Variants in OTOGL observed in about 807,000 individuals in gnomAD.
OTOGL encodes the protein otogelin-like protein.
A neutral mutation model predicts 318.5 loss-of-function variants in OTOGL; 285 were observed. The observed-to-expected ratio is 0.89, with a 90% CI of 0.81 to 0.99. The LOEUF is 0.99. Among genes scored for constraint, OTOGL ranks in the 50% least tolerant of loss-of-function variants. OTOGL has a pLI of 0.00. For synonymous variants in OTOGL, 987 were observed against 936.5 expected, an observed-to-expected ratio of 1.05 and a Z score of -0.99; for missense variants, 2,899 against 2,845.6, an observed-to-expected ratio of 1.02 and a Z score of -0.43.
intron 4 of OTOGL, among the ~76,000 whole-genome samples, chr12:80,217,049 G>A (rs1165380431): frequency 6.6e-6 from 1 of 152,284 alleles, no homozygotes; most frequent in South Asian, 2.1e-4. Context: ...CACTGGCACC[G>A]AAACAGCAGA....
intron 43 of OTOGL, 40 bp downstream of exon 43, chr12:80,339,304 T>G (rs932912955): frequency 1.3e-5 from 15 of 1,143,832 alleles, no homozygotes; most frequent in African/African-American, 6.1e-5. Context: ...GTCTGTTTTT[T>G]TTTTTTTTTT....
At chr12:80,254,248 TAGTC>T (rs1173718816) in intron 14 of OTOGL, among the ~76,000 whole-genome samples, 1 of 152,062 alleles carries the variant, frequency 6.6e-6, no homozygotes, top group African/African-American at 2.4e-5. Flanking sequence ...ATCTTCATCA[TAGTC>T]AGTGATTTTT....
At chr12:80,229,137 T>C in intron 7 of OTOGL, 120 bp from the exon 8 acceptor site, 1 of 1,164,096 alleles carries the variant, frequency 8.6e-7, no homozygotes, top group Non-Finnish European at 1.2e-6. Flanking sequence ...AATGTAGTTA[T>C]AACGTTGTAA....
At chr12:80,349,569 G>A (rs1268250316) in intron 44 of OTOGL, among the ~76,000 whole-genome samples, 5 of 152,114 alleles carry the variant, frequency 3.3e-5, no homozygotes, top group Admixed American at 3.3e-4. Context: ...GAAGTTCAAG[G>A]AGAGAACATT....
intron 34 of OTOGL, among the ~76,000 whole-genome samples, chr12:80,322,478 G>A (rs893923092): frequency 1.5e-4 from 23 of 152,272 alleles, no homozygotes; most frequent in Admixed American, 6.5e-4. Context: ...TTCAGGATGC[G>A]TGAGACGAGT....
At chr12:80,331,567 G>A (rs1204226841) in intron 37 of OTOGL, among the ~76,000 whole-genome samples, 4 of 151,612 alleles carry the variant, frequency 2.6e-5, no homozygotes, top group African/African-American at 7.3e-5. Flanking sequence ...CTTGAACTCC[G>A]GGCCTCAAAT....
intron 1 of OTOGL, among the ~76,000 whole-genome samples, chr12:80,148,842 G>A (rs751314654): frequency 2.6e-5 from 4 of 151,942 alleles, no homozygotes; most frequent in East Asian, 1.9e-4. Context: ...CCAGTTGATC[G>A]CATCAGCTCC....
At chr12:80,128,731 T>C (rs10862062) in intron 1 of OTOGL, among the ~76,000 whole-genome samples, 82,358 of 152,044 alleles carry the variant, frequency 0.54, 22,464 homozygotes, top group Middle Eastern at 0.58. Flanking sequence ...AGTCAAGCTT[T>C]GGCAATGTCG....
intron 26 of OTOGL, among the ~76,000 whole-genome samples, chr12:80,287,249 GT>G (rs1884702251): frequency 6.6e-6 from 1 of 151,708 alleles, no homozygotes; most frequent in Non-Finnish European, 1.5e-5. Context: ...TGATTGCAGT[GT>G]GGTCTGAGAG....
At position 80,194,367 on chromosome 12, in the gene OTOGL, T is replaced by C. The variant is rs546744625; in HGVS notation, c.-19-15046T>C. 3.3e-5 allele frequency among the ~76,000 whole-genome samples: 5 copies of C among 152,182 alleles called. No individual in the cohort carries two copies. In the South Asian group the frequency reaches 1.0e-3, roughly 31 times the overall value. On this transcript the variant is annotated intron_variant, in intron 1 of 58. Coordinates refer to ENST00000547103, the MANE Select transcript of OTOGL (RefSeq NM_001378609.3). ...CTTGGGCAGAGTTAGTTTCTTCCGA[T>C]ACTTGCAACCAAAGAACCTTGAGAA...
chr12:80,117,172 C>G (rs1454521679), intron 1 of OTOGL, among the ~76,000 whole-genome samples: 1 of 152,042 alleles, frequency 6.6e-6, no homozygotes, highest in African/African-American at 2.4e-5. Flanking sequence ...TAAGTTATAT[C>G]TGACATAATC....
intron 33 of OTOGL, among the ~76,000 whole-genome samples, chr12:80,318,980 T>C (rs950426171): frequency 3.0e-5 from 4 of 134,576 alleles, no homozygotes; most frequent in Non-Finnish European, 5.9e-5. Context: ...AAAATTTTCA[T>C]AGTATTAATC....
At chr12:80,312,823 T>C (rs891598418) in intron 30 of OTOGL, among the ~76,000 whole-genome samples, 8 of 152,156 alleles carry the variant, frequency 5.3e-5, no homozygotes, top group South Asian at 2.1e-4. Context: ...TCTTCTTCTT[T>C]TTTTTTATTT....
At chr12:80,258,224 A>G (rs1882233319) in intron 18 of OTOGL, among the ~76,000 whole-genome samples, 1 of 152,144 alleles carries the variant, frequency 6.6e-6, no homozygotes, top group Non-Finnish European at 1.5e-5. Flanking sequence ...TAAATCATTC[A>G]AGGTCACTTA....
intron 9 of OTOGL, among the ~76,000 whole-genome samples, chr12:80,235,964 T>G (rs1385670298): frequency 6.6e-6 from 1 of 152,204 alleles, no homozygotes; most frequent in Non-Finnish European, 1.5e-5. Context: ...ACCTTTAGCT[T>G]TAAGAAGCCT....
intron 26 of OTOGL, among the ~76,000 whole-genome samples, chr12:80,289,322 G>T (rs1317186568): frequency 6.6e-6 from 1 of 152,184 alleles, no homozygotes; most frequent in Non-Finnish European, 1.5e-5. Flanking sequence ...CCTGTATGAA[G>T]TGTCTGTCGA....
At chr12:80,113,492 C>T (rs1387538033) in intron 1 of OTOGL, among the ~76,000 whole-genome samples, 3 of 152,038 alleles carry the variant, frequency 2.0e-5, no homozygotes, top group East Asian at 3.9e-4. Flanking sequence ...TTTATTTCTG[C>T]CTTAATTTCA....
Position 80,254,548 on chromosome 12 carries a change from C to A in OTOGL, c.1419C>A (p.Asn473Lys). ...TECVCVGGVW[N>K]CTEQDCPVQC... ...GTGTGTGTGTTGGTGGAGTTTGGAA[C>A]TGCACTGAGCAAGACTGTCCAGGTA... Residue 473 changes from asparagine to lysine, a missense_variant, in exon 15 of 59, where the codon AAC becomes AAA. Physicochemically the swap from Asn to Lys is moderately conservative, Grantham distance 94. This residue lies in a region of OTOGL where 2,607 missense variants were observed against 2,524.9 expected (regional missense o/e 1.03). Coordinates refer to ENST00000547103, the MANE Select transcript of OTOGL (RefSeq NM_001378609.3). 1 of 1,608,324 alleles carries A rather than the reference C, an allele frequency of 6.2e-7. No homozygotes were observed. The highest frequency in any genetic ancestry group is 8.5e-7 in the Non-Finnish European group (1 of 1,176,050).
intron 54 of OTOGL, 131 bp from the exon 55 acceptor site, chr12:80,368,074 A>G: frequency 4.5e-6 from 3 of 668,658 alleles, no homozygotes; most frequent in South Asian, 4.4e-5. Context: ...GAAGCTTCTC[A>G]TATTCAACCT....
Sources: allele counts gnomAD v4.1 joint callset (sites outside exome capture counted in the v4.1 genomes callset), GRCh38; gene constraint gnomAD v4.1.1; regional missense constraint gnomAD v4.1.1; transcripts MANE v1.5; gene names NCBI Gene and HGNC (gene_info 2026-07-23, HGNC 2026-07-21).